The following THAP3 variants were observed in gnomAD, a reference collection of about 807,000 sequenced individuals.
THAP3 encodes the protein THAP domain-containing protein 3.
Under a neutral mutation model 17.7 loss-of-function variants are expected in THAP3, and 12 were observed. That is an observed-to-expected ratio of 0.68 (90% CI 0.43 to 1.10). THAP3 has a LOEUF of 1.10. THAP3 is among the 50% of genes least tolerant of loss of function. The pLI, the probability that THAP3 is intolerant of heterozygous loss-of-function variation, is 0.00. For synonymous variants in THAP3, 133 were observed against 126.9 expected (o/e 1.05, Z -0.32); for missense variants, 289 against 318.0 (o/e 0.91, Z 0.69).
At chr1:6,630,652 G>A (rs1240858328) in intron 4 of THAP3, among the ~76,000 whole-genome samples, 1 of 152,094 alleles carries the variant, frequency 6.6e-6, no homozygotes, top group Non-Finnish European at 1.5e-5. Flanking sequence ...TCGGCGCACT[G>A]CAACCTCTTC....
intron 2 of THAP3, among the ~76,000 whole-genome samples, chr1:6,626,744 G>A (rs1641479264): frequency 1.3e-5 from 2 of 152,240 alleles, no homozygotes; most frequent in African/African-American, 4.8e-5. Context: ...TACTCAGGAG[G>A]CTAAGGCAGG....
chr1:6,632,312 C>A, intron 4 of THAP3, 79 bp from the exon 5 acceptor site: 1 of 1,588,144 alleles, frequency 6.3e-7, no homozygotes. Context: ...TTGCCACTCC[C>A]CTAGAGGGAC....
intron 3 of THAP3, 99 bp from the exon 4 acceptor site, chr1:6,630,189 C>A: frequency 3.0e-6 from 3 of 1,010,012 alleles, no homozygotes; most frequent in Non-Finnish European, 3.2e-6. Flanking sequence ...CTGGGGCATG[C>A]AGTGGGCCGA....
chr1:6,629,756 C>T lies in THAP3; in HGVS notation c.268-532C>T, dbSNP rs1457769001. On this transcript the variant is annotated intron_variant, in intron 3 of 5. Coordinates refer to ENST00000054650, the MANE Select transcript of THAP3 (RefSeq NM_001195753.2). ...GTCCATAGATGAACACTTTAATCACCTTCACGTATTTGTGATAACGTTTGT... is the reference window on the plus strand; with the variant it reads ...GTCCATAGATGAACACTTTAATCACTTTCACGTATTTGTGATAACGTTTGT... 2.4e-5 allele frequency: 4 copies of T among 163,464 alleles called. No individual in the cohort carries two copies. The East Asian group carries it at 5.1e-4, about 21-fold the overall frequency. The allele number at this position is 163,464 out of a possible 1,614,324, so 10.1% of individuals were successfully genotyped here. A position where few individuals can be genotyped will look rare whatever the true frequency, so the allele number is the denominator to read the frequency against.
chr1:6,633,212 G>GACAGT lies in THAP3; in HGVS notation c.*137_*141dup. The GACAGT allele has an allele frequency of 6.9e-7, 1 of 1,452,940 alleles. No homozygotes were observed. Among genetic ancestry groups the GACAGT allele is most frequent in the Non-Finnish European group, 9.0e-7 (1 of 1,108,960 alleles). 90.0% of individuals were successfully genotyped at this position (1,452,940 alleles called of 1,614,324 possible). ...TGAGGCCTGCTTGGCCGGGGATCGA[G>GACAGT]ACAGTAGCCAAGCTCCCCGGCGAGA... On this transcript the variant is annotated 3_prime_UTR_variant, in exon 6 of 6. Coordinates refer to ENST00000054650, the MANE Select transcript of THAP3 (RefSeq NM_001195753.2).
At chr1:6,634,211 A>AGTCG, downstream of THAP3, 3 of 975,926 alleles carry the variant, frequency 3.1e-6, no homozygotes, top group South Asian at 4.6e-5. Flanking sequence ...CCTTCTGTAC[A>AGTCG]GTCGACTGCA....
At chr1:6,625,415 C>G in intron 2 of THAP3, 123 bp downstream of exon 2, 1 of 881,748 alleles carries the variant, frequency 1.1e-6, no homozygotes, top group Non-Finnish European at 1.5e-6. Context: ...GGGGACAGGC[C>G]GAGGTCCTGG....
chr1:6,634,585 C>T (rs1192668503), downstream of THAP3: 30 of 1,365,958 alleles, frequency 2.2e-5, no homozygotes, highest in Non-Finnish European at 2.9e-5. Flanking sequence ...TGATGGCTGC[C>T]ACTTCCAGGC....
Position 6,633,038 on chromosome 1 carries a change from G to A in THAP3, c.681G>A (p.Gln227=). Residue 227 remains glutamine, a synonymous_variant, in exon 6 of 6, where the codon CAG becomes CAA. Coordinates refer to ENST00000054650, the MANE Select transcript of THAP3 (RefSeq NM_001195753.2). ...GCCTCCGTGCTTGCAAAGGGCACCA[G>A]GGACTCCAGGCCAGACTTGGGCCAG... ...SSRLRACKGH[Q]GLQARLGPEQ... The A allele has an allele frequency of 6.2e-7, 1 of 1,608,804 alleles. No homozygotes were observed. The highest frequency in any genetic ancestry group is 1.7e-5 in the Admixed American group (1 of 59,376).
rs751969506 is a variant in THAP3 at position 6,632,924 on chromosome 1, G to T, written c.567G>T (p.Lys189Asn). Reference protein sequence around the residue: ...SYALLDLDSLKKKLFLTLKEN... With the variant: ...SYALLDLDSLNKKLFLTLKEN... ...CCCTTTTGGACTTAGATTCCCTGAA[G>T]AAAAAACTCTTCCTCACTCTGAAGG... The change falls in exon 6 of 6, where the codon AAG becomes AAT. Residue 189 changes from lysine (K) to asparagine (N), a missense_variant. Transcript: ENST00000054650. 7.4e-6 allele frequency: 12 copies of T among 1,612,958 alleles called. No individual in the cohort carries two copies. The South Asian group carries it at 1.1e-4, about 15-fold the overall frequency.
At chr1:6,626,358 C>T (rs1193779021) in intron 2 of THAP3, among the ~76,000 whole-genome samples, 2 of 151,922 alleles carry the variant, frequency 1.3e-5, no homozygotes, top group Non-Finnish European at 2.9e-5. Context: ...CTACCTGGAC[C>T]CCCTCCCAGG....
At position 6,633,358 on chromosome 1, in the gene THAP3, T is replaced by C. The variant is rs568979709; in HGVS notation, c.*281T>C. 4 of 1,318,760 alleles carry C rather than the reference T, an allele frequency of 3.0e-6. No individual in the cohort carries two copies. In the East Asian group the frequency reaches 1.3e-4, roughly 43 times the overall value. The allele number at this position is 1,318,760 out of a possible 1,614,324, so 81.7% of individuals were successfully genotyped here. ...AGGCTGAGGCTGATTCTGGACGCTG[T>C]CCTTTCAGCACACGCAGAGCAAAGA... On this transcript the variant is annotated 3_prime_UTR_variant, in exon 6 of 6. Transcript: ENST00000054650.
chr1:6,625,403 C>T (rs1641438443), intron 2 of THAP3, 111 bp downstream of exon 2: 1 of 1,039,840 alleles, frequency 9.6e-7, no homozygotes, highest in African/African-American at 1.7e-5. Context: ...GCCGCTGGGC[C>T]CGGGGACAGG....
chr1:6,628,877 A>G (rs1641533836), intron 3 of THAP3, among the ~76,000 whole-genome samples, 186 bp downstream of exon 3: 1 of 152,216 alleles, frequency 6.6e-6, no homozygotes. Flanking sequence ...CGGCTTTAAG[A>G]GAAGTCATAA....
rs1641684421 is a variant in THAP3 at position 6,633,434 on chromosome 1, AG to A, written c.*362del. ...TGCTCCTCAGGGAGGAAGCCATGTG[AG>A]GGGGCTGGCTCTGTGGCGGGTGAGT... On this transcript the variant is annotated 3_prime_UTR_variant, in exon 6 of 6. Coordinates refer to ENST00000054650, the MANE Select transcript of THAP3 (RefSeq NM_001195753.2). 8.5e-7 allele frequency: 1 copy of A among 1,171,128 alleles called. No homozygotes were observed. Among genetic ancestry groups the A allele is most frequent in the Admixed American group, 4.2e-5 (1 of 23,838 alleles). 72.5% of individuals were successfully genotyped at this position (1,171,128 alleles called of 1,614,324 possible).
At chr1:6,634,211 A>G (rs1641707990), downstream of THAP3, 6 of 975,926 alleles carry the variant, frequency 6.1e-6, no homozygotes, top group South Asian at 1.5e-5. Context: ...CCTTCTGTAC[A>G]GTCGACTGCA....
chr1:6,634,827 G>T (rs1047304768), downstream of THAP3: 1 of 1,254,590 alleles, frequency 8.0e-7, no homozygotes, highest in Non-Finnish European at 1.0e-6. Context: ...ACGCCTTTGG[G>T]TTGGGTGTGT....
chr1:6,630,717 C>G (rs1184690878), intron 4 of THAP3, among the ~76,000 whole-genome samples: 2 of 152,084 alleles, frequency 1.3e-5, no homozygotes, highest in Non-Finnish European at 2.9e-5. Flanking sequence ...ATTACAGATG[C>G]CCGCTACCAC....
intron 4 of THAP3, 114 bp downstream of exon 4, chr1:6,630,467 C>A: frequency 2.0e-6 from 2 of 1,016,820 alleles, no homozygotes; most frequent in Non-Finnish European, 3.0e-6. Context: ...TCCTCATATG[C>A]CAGTTTGGAT....
Sources: gnomAD v4.1 joint callset for allele counts (sites outside exome capture counted in the v4.1 genomes callset) on GRCh38, gnomAD v4.1.1 for gene constraint, MANE v1.5 for transcripts, NCBI Gene and HGNC (gene_info 2026-07-23, HGNC 2026-07-21) for gene names.